Variants in COL4A2 observed in about 807,000 individuals in gnomAD.
COL4A2 encodes the protein collagen alpha-2(IV) chain.
A neutral mutation model predicts 200.2 loss-of-function variants in COL4A2; 99 were observed. That is an observed-to-expected ratio of 0.49 (90% CI 0.42 to 0.58). The LOEUF (loss-of-function observed/expected upper bound fraction) is 0.58, where lower values mean the gene tolerates loss of function less well. Among genes scored for constraint, COL4A2 ranks in the 20% least tolerant of loss-of-function variants. COL4A2 has a pLI of 0.00. For synonymous variants in COL4A2, 897 were observed against 900.6 expected (o/e 1.00, Z 0.07); for missense variants, 1,950 against 2,314.1 (o/e 0.84, Z 3.23).
At chr13:110,383,491 C>G (rs1399374832) in intron 4 of COL4A2, among the ~76,000 whole-genome samples, 1 of 150,466 alleles carries the variant, frequency 6.6e-6, no homozygotes, top group Admixed American at 6.6e-5. Flanking sequence ...TATGTCAGAT[C>G]AAGAATAGAT....
chr13:110,494,609 C>T (rs928213262), intron 39 of COL4A2, among the ~76,000 whole-genome samples: 1 of 151,350 alleles, frequency 6.6e-6, no homozygotes, highest in African/African-American at 2.4e-5. Context: ...GAGGCTGAGG[C>T]AGAAGAATGG....
chr13:110,318,394 A>C (rs77683950), intron 3 of COL4A2, among the ~76,000 whole-genome samples: 4,349 of 152,282 alleles, frequency 0.029, 203 homozygotes, highest in African/African-American at 0.1. Context: ...CATGGTAAGA[A>C]AGCAACCTGC....
At chr13:110,469,784 C>T (rs954257860) in intron 28 of COL4A2, among the ~76,000 whole-genome samples, 2 of 152,128 alleles carry the variant, frequency 1.3e-5, no homozygotes, top group East Asian at 1.9e-4. Flanking sequence ...GGAGTACCCA[C>T]TTGCGTGTCA....
At position 110,482,574 on chromosome 13, in the gene COL4A2, A is replaced by G; in HGVS notation, c.2817A>G (p.Arg939=). 6.2e-7 allele frequency: 1 copy of G among 1,614,016 alleles called. No homozygotes were observed. The highest frequency in any genetic ancestry group is 8.5e-7 in the Non-Finnish European group (1 of 1,179,988). ...GFQGMPGLKG[R]PGFPGSKGEA... ...AAGGCATGCCTGGACTCAAAGGGAGACCCGGGTTTCCAGGGAGCAAAGGCG... is the reference window on the plus strand; with the variant it reads ...AAGGCATGCCTGGACTCAAAGGGAGGCCCGGGTTTCCAGGGAGCAAAGGCG... The change falls in exon 32 of 48, where the codon AGA becomes AGG. Residue 939 remains arginine, a synonymous_variant. Coordinates refer to ENST00000360467, the MANE Select transcript of COL4A2 (RefSeq NM_001846.4).
intron 4 of COL4A2, among the ~76,000 whole-genome samples, chr13:110,415,643 G>C (rs1380061790): frequency 6.6e-6 from 1 of 151,994 alleles, no homozygotes; most frequent in African/African-American, 2.4e-5. Flanking sequence ...CATATATATA[G>C]ACCGCTTTTC....
At chr13:110,503,564 C>T (rs1783426148) in intron 43 of COL4A2, 83 bp downstream of exon 43, 1 of 846,492 alleles carries the variant, frequency 1.2e-6, no homozygotes, top group Non-Finnish European at 1.8e-6. Flanking sequence ...GTCAAACGGC[C>T]AGGATCCTCT....
chr13:110,406,814 T>A (rs1484636699), intron 4 of COL4A2, among the ~76,000 whole-genome samples: 1 of 152,244 alleles, frequency 6.6e-6, no homozygotes, highest in Non-Finnish European at 1.5e-5. Context: ...TGTGTGTATA[T>A]GTATCCTTGG....
At chr13:110,332,109 T>C (rs950421171) in intron 3 of COL4A2, among the ~76,000 whole-genome samples, 8 of 152,258 alleles carry the variant, frequency 5.3e-5, no homozygotes, top group African/African-American at 7.2e-5. Context: ...CTGCAAATAA[T>C]GATGGTTTTA....
intron 3 of COL4A2, among the ~76,000 whole-genome samples, chr13:110,355,160 G>A (rs985476560): frequency 1.5e-4 from 23 of 152,260 alleles, no homozygotes; most frequent in Non-Finnish European, 2.9e-4. Flanking sequence ...AACACCAGAA[G>A]CCAGCCTTGT....
chr13:110,489,916 T>A, intron 36 of COL4A2, 131 bp downstream of exon 36: 1 of 905,764 alleles, frequency 1.1e-6, no homozygotes, highest in Non-Finnish European at 1.7e-6. Flanking sequence ...GGTCTTCAAG[T>A]CCAATGTGCA....
intron 4 of COL4A2, among the ~76,000 whole-genome samples, chr13:110,381,015 C>T (rs764574783): frequency 1.4e-5 from 2 of 147,430 alleles, no homozygotes; most frequent in African/African-American, 5.0e-5. Context: ...CAGGCTCTAT[C>T]TCACACCCAC....
At chr13:110,491,385 C>A in intron 37 of COL4A2, 45 bp downstream of exon 37, 1 of 1,309,816 alleles carries the variant, frequency 7.6e-7, no homozygotes, top group Non-Finnish European at 1.1e-6. Context: ...GCAGGCCCTC[C>A]GGAGACCCCA....
At chr13:110,318,138 G>A (rs945275386) in intron 3 of COL4A2, among the ~76,000 whole-genome samples, 3 of 152,136 alleles carry the variant, frequency 2.0e-5, no homozygotes, top group African/African-American at 4.8e-5. Flanking sequence ...ATCTGTAAAC[G>A]GGAATACTGA....
chr13:110,443,134 T>C (rs938055103), intron 16 of COL4A2, among the ~76,000 whole-genome samples: 1 of 152,222 alleles, frequency 6.6e-6, no homozygotes, highest in African/African-American at 2.4e-5. Context: ...TTGAGTTCTT[T>C]TATGGAACTC....
In COL4A2 at chr13:110,450,845, C is replaced by T. The variant is rs1159389994; in HGVS notation, c.1339+391C>T. Among the ~76,000 whole-genome samples the T allele has an allele frequency of 2.0e-5, 3 of 152,228 alleles. No homozygotes were observed. The East Asian group carries it at 5.8e-4, about 29-fold the overall frequency. On this transcript the variant is annotated intron_variant, in intron 20 of 47. Transcript: ENST00000360467. Reference sequence around the variant, plus strand: ...CCACAAACCTAATCCAGGGTGAGGGCTCACCCTTGACTGGCAGCCTCTCTC... The same window carrying T: ...CCACAAACCTAATCCAGGGTGAGGGTTCACCCTTGACTGGCAGCCTCTCTC...
chr13:110,482,419 T>G, intron 31 of COL4A2, 97 bp from the exon 32 acceptor site: 8 of 1,327,680 alleles, frequency 6.0e-6, no homozygotes, highest in South Asian at 1.3e-5. Flanking sequence ...TCTTCTCACT[T>G]GAGTTACATT....
intron 4 of COL4A2, among the ~76,000 whole-genome samples, chr13:110,373,012 A>G (rs936051657): frequency 6.6e-6 from 1 of 152,250 alleles, no homozygotes; most frequent in African/African-American, 2.4e-5. Context: ...TGGTTTAGTG[A>G]CTAAACAGTT....
At position 110,458,141 on chromosome 13, in the gene COL4A2, C is replaced by A. The variant is rs551939475; in HGVS notation, c.1433-630C>A. On this transcript the variant is annotated intron_variant, in intron 21 of 47. Coordinates refer to ENST00000360467, the MANE Select transcript of COL4A2 (RefSeq NM_001846.4). ...TAGGATGTGCAGTGCATTCAGCACC[C>A]CGCTGTGGATGGGCATGACCTGAGA... The A allele has an allele frequency of 5.5e-4, 260 of 470,402 alleles. 2 individuals are homozygous for A. The Middle Eastern group carries it at 0.016, about 28-fold the overall frequency. 29.1% of individuals were successfully genotyped at this position (470,402 alleles called of 1,614,324 possible). A position where few individuals can be genotyped will look rare whatever the true frequency, so the allele number is the denominator to read the frequency against.
intron 3 of COL4A2, among the ~76,000 whole-genome samples, chr13:110,323,441 T>C (rs1310447491): frequency 6.6e-6 from 1 of 152,232 alleles, no homozygotes; most frequent in Non-Finnish European, 1.5e-5. Flanking sequence ...TTTGCTTTTA[T>C]ATTTTTTGAG....
Sources: allele counts gnomAD v4.1 joint callset (sites outside exome capture counted in the v4.1 genomes callset), GRCh38; gene constraint gnomAD v4.1.1; transcripts MANE v1.5; gene names NCBI Gene and HGNC (gene_info 2026-07-23, HGNC 2026-07-21).